The following PI4KA variants were observed in gnomAD, a reference collection of about 807,000 sequenced individuals.
PI4KA encodes the protein PI4-kinase alpha.
A neutral mutation model predicts 271.4 loss-of-function variants in PI4KA; 122 were observed. That is an observed-to-expected ratio of 0.45 (90% CI 0.39 to 0.52). The LOEUF is 0.52. Ranked by LOEUF, PI4KA falls within the 20% of genes least tolerant of loss-of-function variation. The pLI is 0.00. For missense variants in PI4KA, 1,969 were observed against 2,769.1 expected (o/e 0.71, Z 6.48); for synonymous variants, 1,041 against 1,078.8 (o/e 0.96, Z 0.69).
chr22:20,735,744 C>G lies in PI4KA; in HGVS notation c.3742-1191G>C, dbSNP rs372422418. Among the ~76,000 whole-genome samples, 29 of 152,358 alleles carry G rather than the reference C, an allele frequency of 1.9e-4. No homozygotes were observed. In the East Asian group the frequency reaches 5.4e-3, roughly 28 times the overall value. On this transcript the variant is annotated intron_variant, in intron 32 of 54. Coordinates refer to ENST00000255882, the MANE Select transcript of PI4KA (RefSeq NM_058004.4). ...GAGCCGACGGGAGCCCGGGGCGGGG[C>G]TCTGTCTGCTGCTTCCCTCTAAGCT...
chr22:20,760,130 G>T (rs1219075416), intron 23 of PI4KA, among the ~76,000 whole-genome samples: 6 of 152,178 alleles, frequency 3.9e-5, no homozygotes, highest in Non-Finnish European at 8.8e-5. Flanking sequence ...ACTGTTAGTT[G>T]TACTTCATTA....
intron 36 of PI4KA, among the ~76,000 whole-genome samples, chr22:20,732,266 G>A (rs1928165392): frequency 1.3e-5 from 2 of 152,304 alleles, no homozygotes; most frequent in South Asian, 2.1e-4. Context: ...TGTAGTTCCA[G>A]CTACTCAGGA....
intron 19 of PI4KA, among the ~76,000 whole-genome samples, chr22:20,776,491 G>C (rs139003296): frequency 0.016 from 2,436 of 152,208 alleles, 49 homozygotes; most frequent in Middle Eastern, 0.065. Flanking sequence ...CAATTCAAAA[G>C]TCTTTCTTAG....
At chr22:20,784,239 C>A in intron 19 of PI4KA, 1 of 1,614,158 alleles carries the variant, frequency 6.2e-7, no homozygotes, top group Non-Finnish European at 8.5e-7. Context: ...AAAAGCATGA[C>A]AAACAGGTAT....
Position 20,713,398 on chromosome 22 carries a change from C to G in PI4KA, c.5462-8G>C. The G allele has an allele frequency of 6.4e-7, 1 of 1,562,804 alleles. No individual in the cohort carries two copies. Among genetic ancestry groups the G allele is most frequent in the Non-Finnish European group, 8.7e-7 (1 of 1,151,696 alleles). The stretch of plus-strand genomic sequence containing the variant: ...CTGAGCGGCACCGCAGACCTGCCCG[C>G]AGGGAGAGAGGCCGCTGTTAGCCTG... On this transcript the variant is annotated splice_region_variant and splice_polypyrimidine_tract_variant and intron_variant, in intron 47 of 54. Coordinates refer to ENST00000255882, the MANE Select transcript of PI4KA (RefSeq NM_058004.4).
rs963391416 is a variant in PI4KA, at chr22:20,803,427, C to T, written c.1462-107G>A. 2.2e-6 allele frequency: 3 copies of T among 1,394,772 alleles called. No homozygotes were observed. The African/African-American group carries it at 4.3e-5, about 20-fold the overall frequency. 86.4% of individuals were successfully genotyped at this position (1,394,772 alleles called of 1,614,324 possible). ...TTCAGTACCCAAGTCTGACCCAAAA[C>T]TTCGAAGGTCAAAGCTCCCACAGGC... On this transcript the variant is annotated intron_variant, in intron 12 of 54. Transcript: ENST00000255882.
At chr22:20,738,411 T>C (rs1928987806) in intron 32 of PI4KA, among the ~76,000 whole-genome samples, 2 of 152,228 alleles carry the variant, frequency 1.3e-5, no homozygotes, top group African/African-American at 4.8e-5. Context: ...TCATGAATTT[T>C]AAGTATCATA....
chr22:20,797,473 C>T (rs1156503941), intron 17 of PI4KA, among the ~76,000 whole-genome samples: 1 of 152,030 alleles, frequency 6.6e-6, no homozygotes, highest in Non-Finnish European at 1.5e-5. Flanking sequence ...GGCCTGTGTG[C>T]AGGTTCCATG....
intron 19 of PI4KA, among the ~76,000 whole-genome samples, chr22:20,777,689 G>A (rs1318132705): frequency 6.6e-6 from 1 of 152,210 alleles, no homozygotes; most frequent in African/African-American, 2.4e-5. Context: ...TTGGGACCAT[G>A]TATTACCTGT....
chr22:20,766,263 T>C (rs1932514175), intron 19 of PI4KA, among the ~76,000 whole-genome samples: 1 of 151,912 alleles, frequency 6.6e-6, no homozygotes, highest in Non-Finnish European at 1.5e-5. Flanking sequence ...TCCCCATATA[T>C]GTAACAGGTA....
At chr22:20,742,873 C>T in intron 30 of PI4KA, 109 bp from the exon 31 acceptor site, 1 of 905,634 alleles carries the variant, frequency 1.1e-6, no homozygotes, top group Non-Finnish European at 1.8e-6. Context: ...TGCCTCGCTG[C>T]CCCAAAGTGG....
intron 19 of PI4KA, among the ~76,000 whole-genome samples, chr22:20,783,343 T>C (rs1933940674): frequency 6.6e-6 from 1 of 150,688 alleles, no homozygotes; most frequent in South Asian, 2.1e-4. Flanking sequence ...ATGCCTATAA[T>C]CCCAGTGCTT....
At chr22:20,814,917 G>A (rs996769443) in intron 7 of PI4KA, among the ~76,000 whole-genome samples, 5 of 149,818 alleles carry the variant, frequency 3.3e-5, no homozygotes, top group African/African-American at 4.9e-5. Flanking sequence ...AGCACTTTGG[G>A]AGGCTGAGGT....
chr22:20,712,653 T>C (rs765011301), intron 49 of PI4KA, 40 bp downstream of exon 49: 9 of 1,551,070 alleles, frequency 5.8e-6, no homozygotes, highest in Non-Finnish European at 7.9e-6. Flanking sequence ...GGGTGCGAGG[T>C]GCCCAGGGCT....
rs574321777 is a variant in PI4KA, at chr22:20,712,450, A to C, written c.5802+36T>G. 1.4e-5 allele frequency: 22 copies of C among 1,604,174 alleles called. No homozygotes were observed. In the South Asian group the frequency reaches 2.2e-4, roughly 16 times the overall value. ...GGGTGGCTGGGGTGGGGTGGAGCACACACGACCTCCCCCGGCCTGTGGCCA... is the reference window on the plus strand; with the variant it reads ...GGGTGGCTGGGGTGGGGTGGAGCACCCACGACCTCCCCCGGCCTGTGGCCA... On this transcript the variant is annotated intron_variant, in intron 50 of 54. Transcript: ENST00000255882.
chr22:20,745,048 T>C (rs947141166), intron 29 of PI4KA, among the ~76,000 whole-genome samples: 2 of 152,196 alleles, frequency 1.3e-5, no homozygotes, highest in East Asian at 1.9e-4. Flanking sequence ...AGCCGTCTCC[T>C]TGAGAGTTGC....
intron 1 of PI4KA, among the ~76,000 whole-genome samples, chr22:20,849,057 C>G (rs1365313783): frequency 6.6e-6 from 1 of 151,780 alleles, no homozygotes; most frequent in Non-Finnish European, 1.5e-5. Context: ...CTACAAATAC[C>G]CCAAAAGAGT....
intron 17 of PI4KA, chr22:20,798,339 T>C (rs1935099941): frequency 4.1e-6 from 2 of 482,058 alleles, no homozygotes; most frequent in Non-Finnish European, 3.8e-6. Flanking sequence ...GTCAGCTGCA[T>C]GTGCAGCATG....
At chr22:20,829,100 A>G (rs560917479) in intron 3 of PI4KA, among the ~76,000 whole-genome samples, 1 of 152,150 alleles carries the variant, frequency 6.6e-6, no homozygotes, top group East Asian at 1.9e-4. Context: ...ATCTATGTTC[A>G]TCTATTGGCC....
Sources: allele counts gnomAD v4.1 joint callset (sites outside exome capture counted in the v4.1 genomes callset), GRCh38; gene constraint gnomAD v4.1.1; transcripts MANE v1.5; gene names NCBI Gene and HGNC (gene_info 2026-07-23, HGNC 2026-07-21).